RSBN1L: variants seen among roughly 807,000 people sequenced by gnomAD.
RSBN1L encodes the protein lysine-specific demethylase RSBN1L.
A neutral mutation model predicts 67.7 loss-of-function variants in RSBN1L; 30 were observed. The observed-to-expected ratio is 0.44, with a 90% CI of 0.33 to 0.60. RSBN1L has a LOEUF of 0.60. RSBN1L is among the 20% of genes least tolerant of loss of function. The pLI is 0.02. For missense variants in RSBN1L, 992 were observed against 1,031.7 expected, an observed-to-expected ratio of 0.96 and a Z score of 0.53; for synonymous variants, 433 against 387.0, an observed-to-expected ratio of 1.12 and a Z score of -1.39.
intron 4 of RSBN1L, among the ~76,000 whole-genome samples, chr7:77,766,276 G>A (rs940831166): frequency 2.6e-5 from 4 of 152,106 alleles, no homozygotes; most frequent in African/African-American, 4.8e-5. Flanking sequence ...CCTGACCTCC[G>A]TGGGCTTGGA....
At chr7:77,716,163 T>C (rs965419922) in intron 1 of RSBN1L, among the ~76,000 whole-genome samples, 5 of 152,192 alleles carry the variant, frequency 3.3e-5, no homozygotes, top group Non-Finnish European at 7.3e-5. Flanking sequence ...CGAAAGCTTT[T>C]CCTAACCCTA....
At chr7:77,752,825 A>G (rs1791571281) in intron 3 of RSBN1L, among the ~76,000 whole-genome samples, 2 of 152,200 alleles carry the variant, frequency 1.3e-5, no homozygotes, top group African/African-American at 4.8e-5. Context: ...CACATGAACA[A>G]ATACCCAGGT....
chr7:77,737,677 A>G (rs926163073), intron 2 of RSBN1L, among the ~76,000 whole-genome samples: 5 of 152,160 alleles, frequency 3.3e-5, no homozygotes, highest in Non-Finnish European at 7.4e-5. Flanking sequence ...TGAGGCAGGA[A>G]TTGAATATAA....
At chr7:77,748,991 C>T (rs944994059) in intron 2 of RSBN1L, among the ~76,000 whole-genome samples, 6 of 152,068 alleles carry the variant, frequency 3.9e-5, no homozygotes, top group South Asian at 2.1e-4. Flanking sequence ...TGTGGTGGCT[C>T]ACGCCTGTAA....
At chr7:77,769,052 T>C (rs1791811043) in intron 5 of RSBN1L, among the ~76,000 whole-genome samples, 1 of 152,212 alleles carries the variant, frequency 6.6e-6, no homozygotes, top group African/African-American at 2.4e-5. Context: ...TATAAACTAT[T>C]TTAGAATAAA....
intron 6 of RSBN1L, among the ~76,000 whole-genome samples, chr7:77,776,167 CTTAT>C (rs1290843291): frequency 3.3e-5 from 5 of 152,200 alleles, no homozygotes; most frequent in African/African-American, 1.2e-4. Context: ...TATATTCTCA[CTTAT>C]TTTTGTCTGC....
At chr7:77,765,181 T>C (rs964748895) in intron 3 of RSBN1L, among the ~76,000 whole-genome samples, 1 of 152,240 alleles carries the variant, frequency 6.6e-6, no homozygotes, top group Non-Finnish European at 1.5e-5. Flanking sequence ...TGAGTTCCTC[T>C]GTTCTAAGGA....
chr7:77,712,701 T>G (rs1790991629), intron 1 of RSBN1L, among the ~76,000 whole-genome samples: 1 of 152,232 alleles, frequency 6.6e-6, no homozygotes, highest in African/African-American at 2.4e-5. Context: ...TTATCAATTT[T>G]AATTGCTTAC....
At chr7:77,733,480 C>T (rs544520909) in intron 1 of RSBN1L, among the ~76,000 whole-genome samples, 19 of 152,206 alleles carry the variant, frequency 1.2e-4, no homozygotes, top group South Asian at 4.1e-4. Context: ...ATATCATACC[C>T]GAGTGCATAT....
chr7:77,718,619 A>T (rs949088536), intron 1 of RSBN1L, among the ~76,000 whole-genome samples: 1 of 152,120 alleles, frequency 6.6e-6, no homozygotes, highest in African/African-American at 2.4e-5. Flanking sequence ...ACAGTTTTCT[A>T]CTTTAACATT....
chr7:77,696,983 G>T lies in RSBN1L; in HGVS notation c.514G>T (p.Gly172Cys), dbSNP rs1467811408. 4 of 1,549,184 alleles carry T rather than the reference G, an allele frequency of 2.6e-6. No individual in the cohort carries two copies. The highest frequency in any genetic ancestry group is 1.9e-5 in the Admixed American group (1 of 52,108). The stretch of plus-strand genomic sequence containing the variant: ...GCGGGAGAAGGAGAGGAGGAGGCAC[G>T]GTCTCGGTGGGGCCCGAGAGGCCGG... ...EKREKERRRH[G>C]LGGAREAGGA... Residue 172 changes from glycine to cysteine, a missense_variant, in exon 1 of 8, where the codon GGT becomes TGT. Gly to Cys is a radical substitution (Grantham distance 159, BLOSUM62 -3). Transcript: ENST00000334955.
At chr7:77,727,807 A>G (rs1050805175) in intron 1 of RSBN1L, among the ~76,000 whole-genome samples, 1 of 152,108 alleles carries the variant, frequency 6.6e-6, no homozygotes, top group African/African-American at 2.4e-5. Context: ...CCTTTTTAAT[A>G]ATTCCACATA....
intron 6 of RSBN1L, among the ~76,000 whole-genome samples, chr7:77,777,241 G>C (rs1791930352): frequency 6.6e-6 from 1 of 151,820 alleles, no homozygotes; most frequent in Non-Finnish European, 1.5e-5. Context: ...ACCCCATGAT[G>C]TATGTTATTT....
intron 1 of RSBN1L, among the ~76,000 whole-genome samples, chr7:77,726,540 A>G (rs1474085117): frequency 1.3e-5 from 2 of 151,988 alleles, no homozygotes; most frequent in African/African-American, 2.4e-5. Context: ...AATATCGAAA[A>G]ATTTATAGTA....
chr7:77,716,349 T>G (rs1791048107), intron 1 of RSBN1L, among the ~76,000 whole-genome samples: 1 of 152,000 alleles, frequency 6.6e-6, no homozygotes, highest in Admixed American at 6.6e-5. Context: ...TGACACCGTC[T>G]CTCACTTTTG....
At position 77,780,777 on chromosome 7, in the gene RSBN1L, A is replaced by G. The variant is rs542672452; in HGVS notation, c.*1609A>G. 2.0e-5 allele frequency: 3 copies of G among 152,368 alleles called. No homozygotes were observed. Among genetic ancestry groups the G allele is most frequent in the Admixed American group, 1.3e-4 (2 of 15,298 alleles). 9.4% of individuals were successfully genotyped at this position (152,368 alleles called of 1,614,324 possible). ...GAAGTTCTAGAAATTAAATTGAGGT[A>G]GGAGACGGATTGACAGTGCCTAACT... On this transcript the variant is annotated 3_prime_UTR_variant, in exon 8 of 8. Coordinates refer to ENST00000334955, the MANE Select transcript of RSBN1L (RefSeq NM_198467.3).
Position 77,749,591 on chromosome 7 carries a change from G to A in RSBN1L, c.871G>A (p.Ala291Thr). Residue 291 changes from alanine to threonine, a missense_variant, in exon 3 of 8, where the codon GCA becomes ACA. Physicochemically the swap from Ala to Thr is moderately conservative, Grantham distance 58. Around this residue, in one of 7 missense-constraint regions of RSBN1L, gnomAD observed 575 missense variants for 483.2 expected, o/e 1.19. Coordinates refer to ENST00000334955, the MANE Select transcript of RSBN1L (RefSeq NM_198467.3). ...SGLLTDVEDQ[A>T]AKGILNDNIK... ...ATTGCTAACTGATGTTGAAGATCAA[G>A]CAGCCAAAGGCATCCTAAATGATAA... 4 of 1,613,890 alleles carry A rather than the reference G, an allele frequency of 2.5e-6. No individual in the cohort carries two copies. Among genetic ancestry groups the A allele is most frequent in the Non-Finnish European group, 3.4e-6 (4 of 1,179,968 alleles).
At chr7:77,763,148 A>C (rs1230130363) in intron 3 of RSBN1L, among the ~76,000 whole-genome samples, 3 of 103,028 alleles carry the variant, frequency 2.9e-5, no homozygotes, top group South Asian at 3.3e-4. Context: ...ATATAATTTG[A>C]CTTTTTTTTT....
At chr7:77,758,609 T>G (rs1175303090) in intron 3 of RSBN1L, among the ~76,000 whole-genome samples, 1 of 152,172 alleles carries the variant, frequency 6.6e-6, no homozygotes, top group Non-Finnish European at 1.5e-5. Flanking sequence ...TGTGTGCGCA[T>G]TAATAGACTC....
Sources: gnomAD v4.1 joint callset for allele counts (sites outside exome capture counted in the v4.1 genomes callset) on GRCh38, gnomAD v4.1.1 for gene constraint, gnomAD v4.1.1 regional missense constraint, MANE v1.5 for transcripts, NCBI Gene and HGNC (gene_info 2026-07-23, HGNC 2026-07-21) for gene names.